ASB15: variants seen among roughly 807,000 people sequenced by gnomAD.
The protein encoded by ASB15 is ankyrin repeat and SOCS box containing 15.
ASB15 carries 54 observed loss-of-function variants against 58.0 expected under a neutral mutation model. The observed-to-expected ratio is 0.93, with a 90% CI of 0.75 to 1.17. The LOEUF is 1.17. Ranked by LOEUF, ASB15 falls within the 50% of genes most tolerant of loss-of-function variation. ASB15 has a pLI of 0.00. For missense variants in ASB15, 680 were observed against 707.4 expected (o/e 0.96, Z 0.44); for synonymous variants, 249 against 262.4 (o/e 0.95, Z 0.50).
At chr7:123,609,619 G>A (rs1413322393) in intron 3 of ASB15, among the ~76,000 whole-genome samples, 5 of 152,168 alleles carry the variant, frequency 3.3e-5, no homozygotes, top group Non-Finnish European at 7.3e-5. Flanking sequence ...GGTAGGTGGG[G>A]AAAACAGATC....
intron 11 of ASB15, among the ~76,000 whole-genome samples, chr7:123,633,155 G>T (rs146816596): frequency 3.9e-5 from 6 of 152,232 alleles, no homozygotes; most frequent in African/African-American, 1.4e-4. Flanking sequence ...TCACCATGAG[G>T]ACTAGTATTA....
chr7:123,612,981 C>G (rs1015166742), intron 3 of ASB15, among the ~76,000 whole-genome samples: 6 of 151,198 alleles, frequency 4.0e-5, no homozygotes, highest in African/African-American at 1.5e-4. Context: ...CTCTAGGGTG[C>G]CTTTTGAGGA....
chr7:123,627,308 T>G, intron 9 of ASB15, 27 bp downstream of exon 9: 1 of 1,575,378 alleles, frequency 6.3e-7, no homozygotes, highest in Non-Finnish European at 8.7e-7. Flanking sequence ...AGGGTAATTA[T>G]TTGAGTTAAA....
intron 1 of ASB15, among the ~76,000 whole-genome samples, chr7:123,575,138 A>G (rs756629391): frequency 4.0e-4 from 60 of 148,704 alleles, no homozygotes; most frequent in Middle Eastern, 3.5e-3. Flanking sequence ...AATTTTTCAG[A>G]TATTTAAGAA....
chr7:123,637,946 C>T lies in ASB15; in HGVS notation c.*965C>T, dbSNP rs1802509483. On this transcript the variant is annotated 3_prime_UTR_variant, in exon 12 of 12. Transcript: ENST00000451215. ...GTTAGCACAATGCTCAATTCAGTTT[C>T]CAAAGAAAAAAGCCTGGACATTAGG... is the stretch of plus-strand genomic sequence containing the variant. 1 of 145,936 alleles carries T rather than the reference C, an allele frequency of 6.9e-6. No homozygotes were observed. The highest frequency in any genetic ancestry group is 1.5e-5 in the Non-Finnish European group (1 of 67,144). 9.0% of individuals were successfully genotyped at this position (145,936 alleles called of 1,614,324 possible).
Position 123,623,872 on chromosome 7 carries a change from AAAAAG to A in ASB15, c.452-684_452-680del, listed in dbSNP as rs370348382. ...GAGCGAGACTCTGTCTCAAAAAAAAAAAAAGAAAAGAAAAGAAGAAAGAAAGAATG... is the reference window on the plus strand; with the variant it reads ...GAGCGAGACTCTGTCTCAAAAAAAAAAAAAGAAAAGAAGAAAGAAAGAATG... On this transcript the variant is annotated intron_variant, in intron 7 of 11. Transcript: ENST00000451215. Among the ~76,000 whole-genome samples, 8 of 99,608 alleles carry A rather than the reference AAAAAG, an allele frequency of 8.0e-5. No homozygotes were observed. The South Asian group carries it at 2.0e-3, about 24-fold the overall frequency. The allele number at this position is 99,608 out of a possible 152,430, so 65.3% of individuals were successfully genotyped here. A position where few individuals can be genotyped will look rare whatever the true frequency, so the allele number is the denominator to read the frequency against.
chr7:123,615,573 A>G (rs540052396), intron 4 of ASB15: 1 of 152,246 alleles, frequency 6.6e-6, no homozygotes, highest in Non-Finnish European at 1.5e-5. Context: ...CCTTCTTTCC[A>G]CTTAACAAAC....
At chr7:123,622,613 A>C (rs1801402592) in intron 7 of ASB15, 1 of 152,214 alleles carries the variant, frequency 6.6e-6, no homozygotes. Context: ...TTTCTGAGTC[A>C]GACAAAAGGT....
At position 123,614,716 on chromosome 7, in the gene ASB15, T is replaced by G. The variant is rs575153206; in HGVS notation, c.107+107T>G. The G allele has an allele frequency of 7.1e-4, 555 of 779,616 alleles. 12 individuals are homozygous for G. In the South Asian group the frequency reaches 7.4e-3, roughly 10 times the overall value. 48.3% of individuals were successfully genotyped at this position (779,616 alleles called of 1,614,324 possible). A position where few individuals can be genotyped will look rare whatever the true frequency, so the allele number is the denominator to read the frequency against. On this transcript the variant is annotated intron_variant, in intron 4 of 11. Coordinates refer to ENST00000451215, the MANE Select transcript of ASB15 (RefSeq NM_001290258.2). ...AATTCCTCCTCTAGGAAAATTGACC[T>G]TTCCTTTCTGATAGGGAATCTAACA...
chr7:123,570,201 A>C (rs2116263611), intron 1 of ASB15, among the ~76,000 whole-genome samples: 1 of 151,348 alleles, frequency 6.6e-6, no homozygotes, highest in African/African-American at 2.4e-5. Flanking sequence ...TGCCCAGCTA[A>C]TTTTTTTGTA....
intron 7 of ASB15, among the ~76,000 whole-genome samples, chr7:123,618,293 A>ATTCTTATT (rs1800958236): frequency 6.9e-6 from 1 of 145,392 alleles, no homozygotes; most frequent in Non-Finnish European, 1.5e-5. Flanking sequence ...GCTGAACAAT[A>ATTCTTATT]AGAATTGGCA....
rs534859276 is a variant in ASB15 at position 123,627,478 on chromosome 7, A to T, written c.869+197A>T. Among the ~76,000 whole-genome samples, 12 of 152,320 alleles carry T rather than the reference A, an allele frequency of 7.9e-5. No individual in the cohort carries two copies. In the South Asian group the frequency reaches 1.5e-3, roughly 18 times the overall value. On this transcript the variant is annotated intron_variant, in intron 9 of 11. Transcript: ENST00000451215. ...TTTGATATTCTTGTACTTCCAAAAA[A>T]TGAATTTATAGTACTTTTATAATGA...
At position 123,635,583 on chromosome 7, in the gene ASB15, C is replaced by CT. The variant is rs5887149; in HGVS notation, c.1595-1203dup. Among the ~76,000 whole-genome samples the CT allele has an allele frequency of 8.6e-3, 700 of 81,714 alleles. 22 individuals carry two copies. The highest frequency in any genetic ancestry group is 0.028 in the African/African-American group (582 of 20,524). The allele number at this position is 81,714 out of a possible 152,430, so 53.6% of individuals were successfully genotyped here. On this transcript the variant is annotated intron_variant, in intron 11 of 11. Coordinates refer to ENST00000451215, the MANE Select transcript of ASB15 (RefSeq NM_001290258.2). Reference sequence around the variant, plus strand: ...TTTGCTTTTAAATGGAAATTAATTGCTTTTTTTTTTTTTTTTTTTTTTTGC... The same window carrying CT: ...TTTGCTTTTAAATGGAAATTAATTGCTTTTTTTTTTTTTTTTTTTTTTTTGC...
chr7:123,587,110 A>G (rs1799395247), intron 1 of ASB15, among the ~76,000 whole-genome samples: 1 of 151,686 alleles, frequency 6.6e-6, no homozygotes. Context: ...GAAAAACATC[A>G]TTGGAATTTT....
intron 3 of ASB15, among the ~76,000 whole-genome samples, chr7:123,611,436 A>T (rs1800452415): frequency 6.6e-6 from 1 of 151,662 alleles, no homozygotes; most frequent in Non-Finnish European, 1.5e-5. Flanking sequence ...CTGGGACTAC[A>T]GGCGCCCGCC....
At chr7:123,601,698 C>T (rs1360032186), upstream of ASB15, among the ~76,000 whole-genome samples, 1 of 152,076 alleles carries the variant, frequency 6.6e-6, no homozygotes, top group African/African-American at 2.4e-5. Flanking sequence ...TGTAGGCTTG[C>T]GTTTCTTTTG....
In ASB15 at chr7:123,639,082, A is replaced by T. The variant is rs1802537157; in HGVS notation, c.*2101A>T. 1.3e-5 allele frequency: 2 copies of T among 151,694 alleles called. No homozygotes were observed. The highest frequency in any genetic ancestry group is 4.2e-4 in the South Asian group (2 of 4,814). 9.4% of individuals were successfully genotyped at this position (151,694 alleles called of 1,614,324 possible). A position where few individuals can be genotyped will look rare whatever the true frequency, so the allele number is the denominator to read the frequency against. On this transcript the variant is annotated 3_prime_UTR_variant, in exon 12 of 12. Coordinates refer to ENST00000451215, the MANE Select transcript of ASB15 (RefSeq NM_001290258.2). ...AATCTTGTAATTATTTAATGCTATT[A>T]TTCTTAGATTTTAATAGTGTATTTT...
intron 11 of ASB15, among the ~76,000 whole-genome samples, chr7:123,635,583 CTTTTTTTTTTTT>C (rs5887149): frequency 1.5e-4 from 12 of 81,698 alleles, no homozygotes; most frequent in African/African-American, 5.4e-4. Flanking sequence ...AAATTAATTG[CTTTTTTTTTTTT>C]TTTTTTTTTT....
At chr7:123,574,286 C>T (rs1279383816) in intron 1 of ASB15, among the ~76,000 whole-genome samples, 1 of 151,652 alleles carries the variant, frequency 6.6e-6, no homozygotes, top group Non-Finnish European at 1.5e-5. Flanking sequence ...TACTATGCAA[C>T]AGCCTTCTAA....
Sources: allele counts gnomAD v4.1 joint callset (sites outside exome capture counted in the v4.1 genomes callset), GRCh38; gene constraint gnomAD v4.1.1; transcripts MANE v1.5; gene names NCBI Gene and HGNC (gene_info 2026-07-23, HGNC 2026-07-21).